Variants in LCA5L observed in about 807,000 individuals in gnomAD.
LCA5L encodes lebercilin-like protein.
LCA5L carries 35 observed loss-of-function variants against 45.4 expected under a neutral mutation model. The observed-to-expected ratio is 0.77, with a 90% CI of 0.59 to 1.02. The LOEUF is 1.02. Among genes scored for constraint, LCA5L ranks in the 50% least tolerant of loss-of-function variants. LCA5L has a pLI of 0.00. For missense variants in LCA5L, 668 were observed against 761.6 expected (o/e 0.88, Z 1.45); for synonymous variants, 233 against 264.7 (o/e 0.88, Z 1.16).
At chr21:39,416,306 A>G (rs556587732) in intron 7 of LCA5L, among the ~76,000 whole-genome samples, 4 of 152,308 alleles carry the variant, frequency 2.6e-5, no homozygotes, top group South Asian at 2.1e-4. Context: ...GATTCATTTG[A>G]TAAGTTTTAA....
At chr21:39,420,594 C>T in intron 7 of LCA5L, 112 bp downstream of exon 7, 3 of 805,212 alleles carry the variant, frequency 3.7e-6, no homozygotes, top group Non-Finnish European at 3.8e-6. Context: ...GGTAGAGGAG[C>T]CTTATATATG....
chr21:39,444,269 C>T (rs551433717), intron 1 of LCA5L, 68 bp from the exon 2 acceptor site: 1 of 152,286 alleles, frequency 6.6e-6, no homozygotes, highest in African/African-American at 2.4e-5. Flanking sequence ...GAAGAAGGCT[C>T]TGGGTTCTTT....
intron 7 of LCA5L, among the ~76,000 whole-genome samples, chr21:39,418,623 C>T (rs1303463445): frequency 1.3e-5 from 2 of 152,114 alleles, no homozygotes; most frequent in African/African-American, 4.8e-5. Context: ...GCCTCAGCCT[C>T]CCAAGTAATG....
chr21:39,417,626 G>T (rs1277760543), intron 7 of LCA5L, among the ~76,000 whole-genome samples: 1 of 152,162 alleles, frequency 6.6e-6, no homozygotes, highest in Non-Finnish European at 1.5e-5. Flanking sequence ...AGGTTTAATG[G>T]ACTCACAGTT....
At chr21:39,434,765 A>C (rs530383927) in intron 3 of LCA5L, among the ~76,000 whole-genome samples, 1 of 152,026 alleles carries the variant, frequency 6.6e-6, no homozygotes, top group Non-Finnish European at 1.5e-5. Context: ...CAATCCTCCC[A>C]TCTCAGCCTC....
intron 6 of LCA5L, chr21:39,421,507 T>C (rs2073763869): frequency 6.6e-6 from 1 of 152,230 alleles, no homozygotes; most frequent in South Asian, 2.1e-4. Flanking sequence ...TCCACACTGA[T>C]GGACTGTAAG....
rs577911810 is a variant in LCA5L, at chr21:39,409,572, A to G, written c.1282+407T>C. Among the ~76,000 whole-genome samples the G allele has an allele frequency of 5.3e-5, 8 of 152,086 alleles. No individual in the cohort carries two copies. In the South Asian group the frequency reaches 1.0e-3, roughly 20 times the overall value. ...GGTACATAGGTGTTCCTTTCATTAT[A>G]ATTCTGGAAACGGTTTTATGTTTTT... On this transcript the variant is annotated intron_variant, in intron 10 of 10. Transcript: ENST00000288350. This position sits in a 1 kb window ranked among gnomAD's most constrained non-coding sequence, Gnocchi z 4.2.
intron 10 of LCA5L, among the ~76,000 whole-genome samples, chr21:39,407,213 C>T (rs1368594378): frequency 5.3e-5 from 8 of 152,126 alleles, no homozygotes; most frequent in African/African-American, 1.9e-4. Context: ...GGCAACAGAG[C>T]AGAGCTGTTT....
chr21:39,417,776 T>A lies in LCA5L; in HGVS notation c.975+2930A>T, dbSNP rs185145968. Among the ~76,000 whole-genome samples, 41 of 151,732 alleles carry A rather than the reference T, an allele frequency of 2.7e-4. 1 individual carries two copies. The East Asian group carries it at 7.7e-3, about 29-fold the overall frequency. ...TTTATTTAATTTTTTAATTTTTAAT[T>A]TTTTTTTGAGATGGAGTCTCGCTCT... On this transcript the variant is annotated intron_variant, in intron 7 of 10. Coordinates refer to ENST00000288350, the MANE Select transcript of LCA5L (RefSeq NM_152505.4).
At position 39,410,057 on chromosome 21, in the gene LCA5L, A is replaced by C. The variant is rs201928535; in HGVS notation, c.1204T>G (p.Ser402Ala). The change falls in exon 10 of 11, where the codon TCA becomes GCA. Residue 402 changes from serine to alanine, a missense_variant. Physicochemically the swap from Ser to Ala is moderately conservative, Grantham distance 99. Transcript: ENST00000288350. ...ATGNIDHKEK[S>A]TEINHEIPHC... ...GGAATTTCATGATTTATTTCAGTTG[A>C]TTTTTCTTTATGATCGATGTTTCCT... 5.0e-6 allele frequency: 8 copies of C among 1,611,076 alleles called. No homozygotes were observed. In the Admixed American group the frequency reaches 1.0e-4, roughly 20 times the overall value.
rs1331457392 is a variant in LCA5L at position 39,406,346 on chromosome 21, G to C, written c.1549C>G (p.Pro517Ala). 1 of 1,614,066 alleles carries C rather than the reference G, an allele frequency of 6.2e-7. No individual in the cohort carries two copies. Among genetic ancestry groups the C allele is most frequent in the African/African-American group, 1.3e-5 (1 of 75,000 alleles). Residue 517 changes from proline to alanine, a missense_variant, in exon 11 of 11, where the codon CCC becomes GCC. Pro to Ala is a conservative substitution (Grantham distance 27). Transcript: ENST00000288350. ...GAGTAATGTCTTCTTTGTCTGAGGG[G>C]GCCTTTCGTGTAGGGAGCAGTGCCT... ...GKGTAPYTKG[P>A]LRQRRHYSFT...
intron 10 of LCA5L, among the ~76,000 whole-genome samples, chr21:39,407,613 A>G (rs1017058480): frequency 1.3e-5 from 2 of 152,212 alleles, no homozygotes; most frequent in African/African-American, 2.4e-5. Context: ...GGCAGTTATT[A>G]TAGACAATGA....
intron 10 of LCA5L, among the ~76,000 whole-genome samples, chr21:39,406,930 A>C (rs1043694903): frequency 4.6e-5 from 7 of 152,214 alleles, no homozygotes; most frequent in African/African-American, 1.7e-4. Flanking sequence ...ACATACTGCC[A>C]GTTGAAACAA....
rs1027473889 is a variant in LCA5L at position 39,426,814 on chromosome 21, T to G, written c.322+1358A>C. ...TGGAGTCCAGGCATGAGAGAAGTAC[T>G]GGACTTTTCATTTCCTGCCCTGGGC... On this transcript the variant is annotated intron_variant, in intron 5 of 10. Coordinates refer to ENST00000288350, the MANE Select transcript of LCA5L (RefSeq NM_152505.4). 9.2e-5 allele frequency among the ~76,000 whole-genome samples: 14 copies of G among 152,232 alleles called. 1 individual carries two copies. The highest frequency in any genetic ancestry group is 4.4e-5 in the Non-Finnish European group (3 of 68,040).
intron 3 of LCA5L, among the ~76,000 whole-genome samples, chr21:39,434,844 T>C (rs2076138173): frequency 6.6e-6 from 1 of 152,210 alleles, no homozygotes; most frequent in Admixed American, 6.5e-5. Context: ...AATTAATATG[T>C]TCAGTCAAAG....
At chr21:39,411,896 A>G in intron 7 of LCA5L, 94 bp from the exon 8 acceptor site, 1 of 663,676 alleles carries the variant, frequency 1.5e-6, no homozygotes, top group Non-Finnish European at 2.7e-6. Flanking sequence ...TCAGTATCCT[A>G]TGAATAAAAT....
intron 7 of LCA5L, among the ~76,000 whole-genome samples, chr21:39,413,109 G>A (rs1316984450): frequency 6.6e-6 from 1 of 152,180 alleles, no homozygotes; most frequent in Non-Finnish European, 1.5e-5. Context: ...AGGAGTTTTA[G>A]CAGCCACATT....
intron 2 of LCA5L, among the ~76,000 whole-genome samples, chr21:39,441,419 C>CT (rs901857499): frequency 5.3e-5 from 8 of 152,164 alleles, no homozygotes; most frequent in African/African-American, 1.9e-4. Context: ...CCTCAAATGT[C>CT]TAAGGCAAGA....
At chr21:39,424,272 C>T (rs1403605316) in intron 5 of LCA5L, among the ~76,000 whole-genome samples, 1 of 152,176 alleles carries the variant, frequency 6.6e-6, no homozygotes, top group Admixed American at 6.5e-5. Flanking sequence ...CCTTGGCCTC[C>T]CAAAGTGCTG....
Sources: gnomAD v4.1 joint callset for allele counts (sites outside exome capture counted in the v4.1 genomes callset) on GRCh38, gnomAD v4.1.1 for gene constraint, Gnocchi (gnomAD v3.1) non-coding constraint, MANE v1.5 for transcripts, NCBI Gene and HGNC (gene_info 2026-07-23, HGNC 2026-07-21) for gene names.